ALOX5AP: variants seen among roughly 807,000 people sequenced by gnomAD.
ALOX5AP encodes the protein arachidonate 5-lipoxygenase activating protein.
Under a neutral mutation model 18.5 loss-of-function variants are expected in ALOX5AP, and 9 were observed. The ratio of observed to expected loss-of-function variants is 0.49; its 90% CI spans 0.29 to 0.85. ALOX5AP has a LOEUF of 0.85. ALOX5AP is among the 40% of genes least tolerant of loss of function. The pLI is 0.08. For synonymous variants in ALOX5AP, 81 were observed against 78.6 expected (o/e 1.03, Z -0.16); for missense variants, 172 against 202.5 (o/e 0.85, Z 0.91).
At chr13:30,738,354 T>C (rs1951736718) in intron 1 of ALOX5AP, among the ~76,000 whole-genome samples, 1 of 152,216 alleles carries the variant, frequency 6.6e-6, no homozygotes. Context: ...GAGTTTAAAA[T>C]ACATGATTCT....
At chr13:30,737,297 C>G (rs375181663) in intron 1 of ALOX5AP, among the ~76,000 whole-genome samples, 1 of 152,212 alleles carries the variant, frequency 6.6e-6, no homozygotes, top group South Asian at 2.1e-4. Flanking sequence ...AGGACAGGTT[C>G]TCCTCACCTC....
At chr13:30,713,597 G>T (rs1951525995) in exon 1 of ALOX5AP, 1 of 672,364 alleles carries the variant, frequency 1.5e-6, no homozygotes, top group Admixed American at 2.4e-5. Flanking sequence ...CCCCACCTTT[G>T]CCCCCTCACA....
intron 2 of ALOX5AP, among the ~76,000 whole-genome samples, chr13:30,751,808 C>G (rs1951853905): frequency 1.3e-5 from 2 of 152,234 alleles, no homozygotes; most frequent in Non-Finnish European, 2.9e-5. Flanking sequence ...CCAAGTCTCC[C>G]TTACGCATCA....
upstream of ALOX5AP, among the ~76,000 whole-genome samples, chr13:30,734,960 A>G (rs1951708689): frequency 6.6e-6 from 1 of 152,056 alleles, no homozygotes; most frequent in South Asian, 2.1e-4. Context: ...TGGGGCACAG[A>G]TCTTTTGGTG....
chr13:30,733,001 T>TA (rs930108077), upstream of ALOX5AP, among the ~76,000 whole-genome samples: 46 of 151,472 alleles, frequency 3.0e-4, no homozygotes, highest in African/African-American at 9.2e-4. Flanking sequence ...CTAAAAAATA[T>TA]AAAAAAAATT....
In ALOX5AP at chr13:30,764,300, C is replaced by A; in HGVS notation, c.*194C>A. ...TGTCAGCTCCGCCCCTTGAACATGA[C>A]CGTGGCCCCAAATTTGCTATTCCCA... On this transcript the variant is annotated 3_prime_UTR_variant, in exon 5 of 5. Transcript: ENST00000380490. 1.9e-6 allele frequency: 1 copy of A among 538,130 alleles called. No homozygotes were observed. The allele number at this position is 538,130 out of a possible 1,614,324, so 33.3% of individuals were successfully genotyped here. A position where few individuals can be genotyped will look rare whatever the true frequency, so the allele number is the denominator to read the frequency against.
rs190934567 is a variant in ALOX5AP, at chr13:30,759,019, A to C, written c.323+2994A>C. On this transcript the variant is annotated intron_variant, in intron 4 of 4. Coordinates refer to ENST00000380490, the MANE Select transcript of ALOX5AP (RefSeq NM_001629.4). ...TTTTTAGTAGAGATAGGGTTTAGCT[A>C]TGTTGGCCAGGCTGGTCTCGAACTG... is the stretch of plus-strand genomic sequence containing the variant. Among the ~76,000 whole-genome samples the C allele has an allele frequency of 6.6e-5, 10 of 152,208 alleles. No homozygotes were observed. In the East Asian group the frequency reaches 1.5e-3, roughly 24 times the overall value.
chr13:30,717,082 C>T (rs542081631), intron 1 of ALOX5AP, among the ~76,000 whole-genome samples: 1 of 152,198 alleles, frequency 6.6e-6, no homozygotes, highest in Non-Finnish European at 1.5e-5. Context: ...AGACTCTCCA[C>T]CGCTACACAT....
At chr13:30,735,527 C>T (rs967111169), upstream of ALOX5AP, 10 of 1,597,666 alleles carry the variant, frequency 6.3e-6, no homozygotes, top group Non-Finnish European at 8.5e-6. Flanking sequence ...AGAGTGCAAG[C>T]TCTCACTTCC....
At chr13:30,716,210 C>T (rs1435081526) in intron 1 of ALOX5AP, among the ~76,000 whole-genome samples, 1 of 152,220 alleles carries the variant, frequency 6.6e-6, no homozygotes, top group Non-Finnish European at 1.5e-5. Context: ...ATCATGAGCA[C>T]AGCTTTACCT....
chr13:30,714,880 C>T lies in ALOX5AP; in HGVS notation c.116+1039C>T, dbSNP rs138665430. ...GTTCATTTTCCTTTGCGGGCAACTC[C>T]GTTCCTGGCACTTATCATATTACCC... On this transcript the variant is annotated intron_variant, in intron 1 of 5. Coordinates refer to the ALOX5AP transcript ENST00000617770. 7.9e-5 allele frequency among the ~76,000 whole-genome samples: 12 copies of T among 152,298 alleles called. No homozygotes were observed. The East Asian group carries it at 9.6e-4, about 12-fold the overall frequency.
chr13:30,721,566 C>T (rs1388270197), intron 1 of ALOX5AP, among the ~76,000 whole-genome samples: 1 of 152,120 alleles, frequency 6.6e-6, no homozygotes, highest in East Asian at 1.9e-4. Context: ...CCACCCTAGT[C>T]TAATCCACCA....
At chr13:30,722,313 A>G (rs1177813771) in intron 1 of ALOX5AP, among the ~76,000 whole-genome samples, 1 of 152,200 alleles carries the variant, frequency 6.6e-6, no homozygotes, top group Non-Finnish European at 1.5e-5. Context: ...GAAGGCACCT[A>G]TGTTCTTGTT....
At position 30,744,090 on chromosome 13, in the gene ALOX5AP, G is replaced by A. The variant is rs763689154; in HGVS notation, c.101G>A (p.Ser34Asn). 4 of 1,614,172 alleles carry A rather than the reference G, an allele frequency of 2.5e-6. No individual in the cohort carries two copies. Among genetic ancestry groups the A allele is most frequent in the Non-Finnish European group, 3.4e-6 (4 of 1,180,010 alleles). ...TTTGCCCATAAAGTGGAGCACGAAA[G>A]CAGGACCCAGAATGGGAGGAGCTTC... ...GFFAHKVEHESRTQNGRSFQR... is the reference protein window; with the variant it reads ...GFFAHKVEHENRTQNGRSFQR... The change falls in exon 2 of 5, where the codon AGC becomes AAC. Residue 34 changes from serine (S) to asparagine (N), a missense_variant. By Grantham distance (46) the Ser-to-Asn change is conservative. Coordinates refer to ENST00000380490, the MANE Select transcript of ALOX5AP (RefSeq NM_001629.4).
At position 30,743,083 on chromosome 13, in the gene ALOX5AP, C is replaced by T. The variant is rs146924210; in HGVS notation, c.71-977C>T. 1.5e-3 allele frequency among the ~76,000 whole-genome samples: 232 copies of T among 152,110 alleles called. 3 individuals are homozygous for T. Among genetic ancestry groups the T allele is most frequent in the Admixed American group, 0.01 (160 of 15,276 alleles). ...TCAGTAATTCCTTGTTGCTCTCAGA[C>T]GGAACTAAGTTCTGAATTTCTTCAC... On this transcript the variant is annotated intron_variant, in intron 1 of 4. Coordinates refer to ENST00000380490, the MANE Select transcript of ALOX5AP (RefSeq NM_001629.4).
intron 1 of ALOX5AP, 41 bp from the exon 2 acceptor site, chr13:30,744,019 A>T: frequency 6.4e-7 from 1 of 1,551,432 alleles, no homozygotes; most frequent in Non-Finnish European, 8.9e-7. Context: ...GCTCCTGAAC[A>T]TGCCCACAAT....
chr13:30,741,525 T>C (rs1593436696), intron 1 of ALOX5AP, among the ~76,000 whole-genome samples: 2 of 148,306 alleles, frequency 1.3e-5, no homozygotes, highest in Non-Finnish European at 3.0e-5. Flanking sequence ...GCCTCCTGTG[T>C]AGCTAGGATT....
intron 1 of ALOX5AP, among the ~76,000 whole-genome samples, chr13:30,714,642 C>T (rs61947374): frequency 0.57 from 85,425 of 150,528 alleles, 27,841 homozygotes; most frequent in Non-Finnish European, 0.73. Context: ...CGCATAGTCT[C>T]CAGCCTGCTG....
chr13:30,732,623 T>C (rs1951690177), upstream of ALOX5AP, among the ~76,000 whole-genome samples: 1 of 152,194 alleles, frequency 6.6e-6, no homozygotes, highest in South Asian at 2.1e-4. Flanking sequence ...CCGGGCAGCC[T>C]GGGCCAATGA....
Sources: allele counts gnomAD v4.1 joint callset (sites outside exome capture counted in the v4.1 genomes callset), GRCh38; gene constraint gnomAD v4.1.1; transcripts MANE v1.5; gene names NCBI Gene and HGNC (gene_info 2026-07-23, HGNC 2026-07-21).